PARD3B: variants seen among roughly 807,000 people sequenced by gnomAD.
PARD3B encodes par-3 family cell polarity regulator beta, also known as partitioning defective 3 homolog B.
In PARD3B, 103 loss-of-function variants were observed where a neutral mutation model predicts 130.2. That is an observed-to-expected ratio of 0.79 (90% CI 0.67 to 0.93). PARD3B has a LOEUF of 0.93. PARD3B is among the 40% of genes least tolerant of loss of function. The pLI, the probability that PARD3B is intolerant of heterozygous loss-of-function variation, is 0.00. For missense variants in PARD3B, 1,609 were observed against 1,499.2 expected (o/e 1.07, Z -1.21); for synonymous variants, 583 against 553.2 (o/e 1.05, Z -0.76).
Position 204,623,956 on chromosome 2 carries a change from T to C in PARD3B, c.121-62225T>C, listed in dbSNP as rs1050713234. Among the ~76,000 whole-genome samples the C allele has an allele frequency of 4.6e-5, 7 of 152,314 alleles. No homozygotes were observed. The highest frequency in any genetic ancestry group is 9.6e-5 in the African/African-American group (4 of 41,590). On this transcript the variant is annotated intron_variant, in intron 1 of 22. Transcript: ENST00000406610. This position sits in a 1 kb window ranked among gnomAD's most constrained non-coding sequence, Gnocchi z 4.5. Reference sequence around the variant, plus strand: ...TTGCATACCATAATGTCTACAGTTCTGTCCATGTCATTGGCAGGACTTTCT... The same window carrying C: ...TTGCATACCATAATGTCTACAGTTCCGTCCATGTCATTGGCAGGACTTTCT...
At chr2:204,758,024 T>C (rs1349826613) in intron 2 of PARD3B, among the ~76,000 whole-genome samples, 1 of 152,146 alleles carries the variant, frequency 6.6e-6, no homozygotes, top group Non-Finnish European at 1.5e-5. Flanking sequence ...ACTATTTATC[T>C]CACAAATCTT....
chr2:205,399,575 G>A (rs1043229113), intron 18 of PARD3B, among the ~76,000 whole-genome samples: 7 of 152,068 alleles, frequency 4.6e-5, no homozygotes, highest in Non-Finnish European at 8.8e-5. Context: ...GGCTGGTCTT[G>A]AACTCCTGAC....
chr2:205,033,124 C>T (rs946701739), intron 3 of PARD3B, among the ~76,000 whole-genome samples: 2 of 152,150 alleles, frequency 1.3e-5, no homozygotes, highest in African/African-American at 4.8e-5. Flanking sequence ...GTTCCATAAA[C>T]ACTTGGTACA....
chr2:204,888,413 T>C (rs1276443169), intron 2 of PARD3B, among the ~76,000 whole-genome samples: 1 of 152,006 alleles, frequency 6.6e-6, no homozygotes, highest in Non-Finnish European at 1.5e-5. Context: ...AGATGAGGCC[T>C]TGAAGTTGAC....
At chr2:204,597,900 C>T (rs1271144508) in intron 1 of PARD3B, among the ~76,000 whole-genome samples, 2 of 152,148 alleles carry the variant, frequency 1.3e-5, no homozygotes, top group South Asian at 4.1e-4. Context: ...TATCCTGCAT[C>T]AAAGAAATCA....
chr2:205,132,206 G>A (rs2032067715), intron 10 of PARD3B, among the ~76,000 whole-genome samples: 2 of 152,176 alleles, frequency 1.3e-5, no homozygotes, highest in South Asian at 4.2e-4. Context: ...AGAATGGAGA[G>A]AAGAAAATAT....
At chr2:205,542,920 A>G (rs1187709679) in intron 21 of PARD3B, among the ~76,000 whole-genome samples, 1 of 152,244 alleles carries the variant, frequency 6.6e-6, no homozygotes, top group Non-Finnish European at 1.5e-5. Context: ...AATAAGGCAT[A>G]ACCATAAAAC....
intron 20 of PARD3B, among the ~76,000 whole-genome samples, chr2:205,494,715 G>A (rs187887135): frequency 9.2e-5 from 14 of 152,258 alleles, no homozygotes; most frequent in East Asian, 3.9e-4. Context: ...CCTGTGAACC[G>A]CAGCCACAGA....
intron 1 of PARD3B, among the ~76,000 whole-genome samples, chr2:204,681,533 A>G (rs1312366170): frequency 2.0e-5 from 3 of 152,172 alleles, no homozygotes; most frequent in Non-Finnish European, 4.4e-5. Flanking sequence ...CGTGTTCTGA[A>G]GCCAGTTAGG....
intron 11 of PARD3B, among the ~76,000 whole-genome samples, chr2:205,163,600 A>C (rs2034633289): frequency 6.6e-6 from 1 of 152,204 alleles, no homozygotes; most frequent in African/African-American, 2.4e-5. Context: ...ACTAAACTCT[A>C]AATTTTTGGA....
chr2:205,343,407 G>A (rs1206539321), intron 18 of PARD3B, among the ~76,000 whole-genome samples: 2 of 152,126 alleles, frequency 1.3e-5, no homozygotes, highest in Non-Finnish European at 2.9e-5. Flanking sequence ...TGACTTCATG[G>A]TCCTGATGTG....
intron 1 of PARD3B, among the ~76,000 whole-genome samples, chr2:204,644,474 A>T (rs528225540): frequency 1.3e-5 from 2 of 152,248 alleles, no homozygotes; most frequent in South Asian, 4.2e-4. Context: ...TCTTTTATTA[A>T]CATATTATTA....
intron 4 of PARD3B, among the ~76,000 whole-genome samples, chr2:205,073,773 A>G (rs1195629935): frequency 6.6e-6 from 1 of 152,192 alleles, no homozygotes; most frequent in Non-Finnish European, 1.5e-5. Flanking sequence ...AGGCACATGT[A>G]TGACATCTGT....
intron 21 of PARD3B, among the ~76,000 whole-genome samples, chr2:205,502,546 T>C (rs943955912): frequency 2.0e-5 from 3 of 152,176 alleles, no homozygotes; most frequent in Non-Finnish European, 4.4e-5. Context: ...ATCAGAAATA[T>C]TGTTATGAAC....
In PARD3B at chr2:204,602,901, A is replaced by G. The variant is rs115782385; in HGVS notation, c.120+56782A>G. ...TAAGGAGCTATCTTTATGCCACTCTATATTGCCATATTGACCAACACAATT... is the reference window on the plus strand; with the variant it reads ...TAAGGAGCTATCTTTATGCCACTCTGTATTGCCATATTGACCAACACAATT... On this transcript the variant is annotated intron_variant, in intron 1 of 22. Coordinates refer to ENST00000406610, the MANE Select transcript of PARD3B (RefSeq NM_001302769.2). Among the ~76,000 whole-genome samples, 1,163 of 152,230 alleles carry G rather than the reference A, an allele frequency of 7.6e-3. 17 individuals carry two copies. Among genetic ancestry groups the G allele is most frequent in the African/African-American group, 0.025 (1,050 of 41,560 alleles).
intron 4 of PARD3B, chr2:205,103,760 G>A (rs1702999201): frequency 1.0e-6 from 1 of 984,540 alleles, no homozygotes; most frequent in Admixed American, 6.1e-5. Context: ...CCTCTCCTCT[G>A]CTTCTCTGGG....
chr2:204,706,019 G>A (rs530948918), intron 2 of PARD3B, among the ~76,000 whole-genome samples: 1 of 152,250 alleles, frequency 6.6e-6, no homozygotes, highest in African/African-American at 2.4e-5. Context: ...ACAGAAGACA[G>A]GCTTTAAACT....
intron 15 of PARD3B, among the ~76,000 whole-genome samples, chr2:205,238,884 G>GTT (rs368546075): frequency 1.3e-5 from 1 of 75,274 alleles, no homozygotes; most frequent in Non-Finnish European, 2.4e-5. Context: ...ATATGTATGT[G>GTT]TGTATATATA....
intron 16 of PARD3B, among the ~76,000 whole-genome samples, chr2:205,262,090 T>C (rs1264038706): frequency 1.3e-5 from 2 of 152,156 alleles, no homozygotes; most frequent in Admixed American, 1.3e-4. Context: ...ATCCTGATAC[T>C]TTCATGGAAT....
Sources: gnomAD v4.1 joint callset for allele counts (sites outside exome capture counted in the v4.1 genomes callset) on GRCh38, gnomAD v4.1.1 for gene constraint, Gnocchi (gnomAD v3.1) non-coding constraint, MANE v1.5 for transcripts, NCBI Gene and HGNC (gene_info 2026-07-23, HGNC 2026-07-21) for gene names.